COL26A1: variants seen among roughly 807,000 people sequenced by gnomAD.
COL26A1 encodes collagen alpha-1(XXVI) chain.
Under a neutral mutation model 59.3 loss-of-function variants are expected in COL26A1, and 41 were observed. That is an observed-to-expected ratio of 0.69 (90% CI 0.54 to 0.90). COL26A1 has a LOEUF of 0.90. COL26A1 is among the 40% of genes least tolerant of loss of function. The pLI, the probability that COL26A1 is intolerant of heterozygous loss-of-function variation, is 0.00. For synonymous variants in COL26A1, 266 were observed against 256.0 expected (o/e 1.04, Z -0.37); for missense variants, 612 against 602.3 (o/e 1.02, Z -0.17).
chr7:101,545,749 C>G (rs1795722941), intron 7 of COL26A1, among the ~76,000 whole-genome samples: 1 of 152,166 alleles, frequency 6.6e-6, no homozygotes, highest in African/African-American at 2.4e-5. Context: ...CCAGGGCTAG[C>G]CCCAAGCCCT....
chr7:101,487,319 T>C (rs1459097204), intron 3 of COL26A1, among the ~76,000 whole-genome samples: 1 of 151,986 alleles, frequency 6.6e-6, no homozygotes, highest in Non-Finnish European at 1.5e-5. Flanking sequence ...TACCCTTTGC[T>C]CATGGCATGG....
At chr7:101,478,371 T>C (rs1440677848) in intron 3 of COL26A1, among the ~76,000 whole-genome samples, 1 of 152,164 alleles carries the variant, frequency 6.6e-6, no homozygotes, top group Non-Finnish European at 1.5e-5. Flanking sequence ...CTGCTATCTG[T>C]GCCCAAAACA....
chr7:101,475,900 C>CTT (rs1466219521), intron 3 of COL26A1, among the ~76,000 whole-genome samples: 4 of 136,984 alleles, frequency 2.9e-5, no homozygotes, highest in African/African-American at 1.2e-4. Flanking sequence ...TTCTTTCTCT[C>CTT]TCTTTCTCTC....
At chr7:101,362,753 C>T (rs1790919330), upstream of COL26A1, 6 of 481,246 alleles carry the variant, frequency 1.2e-5, no homozygotes, top group Non-Finnish European at 2.2e-5. Flanking sequence ...CCTAGCTCTG[C>T]CGCCACTGCC....
At chr7:101,365,537 C>T (rs1791023804) in intron 1 of COL26A1, among the ~76,000 whole-genome samples, 1 of 152,216 alleles carries the variant, frequency 6.6e-6, no homozygotes, top group African/African-American at 2.4e-5. Flanking sequence ...AGTGATTCTC[C>T]TGCCTCAGCC....
chr7:101,452,889 C>G (rs1202873749), intron 3 of COL26A1, among the ~76,000 whole-genome samples: 1 of 151,984 alleles, frequency 6.6e-6, no homozygotes, highest in Admixed American at 6.6e-5. Context: ...CTTAGCCTCC[C>G]AAGTACCTGG....
At chr7:101,502,000 G>C (rs181932655) in intron 3 of COL26A1, among the ~76,000 whole-genome samples, 409 of 152,236 alleles carry the variant, frequency 2.7e-3, no homozygotes, top group Middle Eastern at 0.01. Context: ...TCCAGGAAGC[G>C]TTCCCTGGTC....
intron 3 of COL26A1, among the ~76,000 whole-genome samples, chr7:101,525,702 T>C (rs370612396): frequency 2.6e-5 from 4 of 152,092 alleles, no homozygotes; most frequent in East Asian, 1.9e-4. Flanking sequence ...TTCACTGTGT[T>C]AGCCAGGATG....
chr7:101,421,402 C>T lies in COL26A1; in HGVS notation c.281+1303C>T, dbSNP rs190907761. ...GATTTAAATTAATCTTGGCTGGGTG[C>T]GGTGGCTCATGCTTGTAATCCCAGC... On this transcript the variant is annotated intron_variant, in intron 2 of 12. Transcript: ENST00000313669. Among the ~76,000 whole-genome samples, 206 of 152,228 alleles carry T rather than the reference C, an allele frequency of 1.4e-3. 2 individuals carry two copies. Among genetic ancestry groups the T allele is most frequent in the African/African-American group, 4.9e-3 (202 of 41,538 alleles).
At chr7:101,514,827 TC>T (rs1794996376) in intron 3 of COL26A1, among the ~76,000 whole-genome samples, 1 of 152,214 alleles carries the variant, frequency 6.6e-6, no homozygotes, top group Non-Finnish European at 1.5e-5. Flanking sequence ...CAGCTACCCA[TC>T]CGCCACCACC....
Position 101,557,640 on chromosome 7 carries a change from A to G in COL26A1, c.*110A>G. The stretch of plus-strand genomic sequence containing the variant: ...CAGGGGAACTGGGCTCCAGGCATGG[A>G]TGATTGTGAGGACATGGGGGGCTTT... On this transcript the variant is annotated 3_prime_UTR_variant, in exon 13 of 13. Transcript: ENST00000313669. 1 of 1,156,292 alleles carries G rather than the reference A, an allele frequency of 8.6e-7. No homozygotes were observed. Among genetic ancestry groups the G allele is most frequent in the South Asian group, 1.6e-5 (1 of 61,988 alleles). The allele number at this position is 1,156,292 out of a possible 1,614,324, so 71.6% of individuals were successfully genotyped here. A position where few individuals can be genotyped will look rare whatever the true frequency, so the allele number is the denominator to read the frequency against.
Position 101,493,813 on chromosome 7 carries a change from G to T in COL26A1, c.386-39269G>T, listed in dbSNP as rs957409491. On this transcript the variant is annotated intron_variant, in intron 3 of 12. Coordinates refer to ENST00000313669, the MANE Select transcript of COL26A1 (RefSeq NM_001278563.3). ...CCGGGCGTGGTGGCGGGCGTCTGTA[G>T]TCCCAGCTACTTGGGAGGCTGAGGC... Among the ~76,000 whole-genome samples, 25 of 147,112 alleles carry T rather than the reference G, an allele frequency of 1.7e-4. 1 individual carries two copies. Among genetic ancestry groups the T allele is most frequent in the African/African-American group, 6.1e-4 (24 of 39,648 alleles).
chr7:101,510,369 G>A (rs185725909), intron 3 of COL26A1, among the ~76,000 whole-genome samples: 1 of 151,624 alleles, frequency 6.6e-6, no homozygotes, highest in Admixed American at 6.6e-5. Context: ...TCATGAAATC[G>A]CCCTCCCTGA....
At chr7:101,554,567 T>TAAAAAAAAAAA (rs57638079) in intron 11 of COL26A1, among the ~76,000 whole-genome samples, 5 of 120,506 alleles carry the variant, frequency 4.1e-5, no homozygotes, top group African/African-American at 1.3e-4. Context: ...CCCCATTTCT[T>TAAAAAAAAAAA]AAAAAAAAAA....
intron 1 of COL26A1, among the ~76,000 whole-genome samples, chr7:101,413,880 T>A (rs1792306008): frequency 6.6e-6 from 1 of 152,172 alleles, no homozygotes; most frequent in African/African-American, 2.4e-5. Flanking sequence ...CTAAGCACCT[T>A]TCTGGGTGCA....
At chr7:101,539,278 C>CTGTGTGTGTGTGTGTATGTGTGTG (rs1795551908) in intron 4 of COL26A1, among the ~76,000 whole-genome samples, 2 of 142,326 alleles carry the variant, frequency 1.4e-5, no homozygotes, top group African/African-American at 5.6e-5. Context: ...CCTTTTCTGT[C>CTGTGTGTGTGTGTGTATGTGTGTG]TGTGTGTGTG....
intron 1 of COL26A1, among the ~76,000 whole-genome samples, chr7:101,386,267 T>TTG (rs1554403852): frequency 1.0e-4 from 14 of 138,372 alleles, no homozygotes; most frequent in Non-Finnish European, 1.7e-4. Context: ...GTTTTTTTTT[T>TTG]TTTTTTTTTT....
Position 101,363,187 on chromosome 7 carries a change from G to A in COL26A1, c.155G>A (p.Arg52His). Residue 52 changes from arginine (R) to histidine (H), a missense_variant, in exon 1 of 13, where the codon CGC becomes CAC. Coordinates refer to ENST00000313669, the MANE Select transcript of COL26A1 (RefSeq NM_001278563.3). ...TCCCCTGGCAGCGGCTACGCGAGCC[G>A]CCGGTGAGTAGCTCGGGGCCGAGGG... ...AGSPGSGYASRRHWCHHTVTR... is the reference protein window; with the variant it reads ...AGSPGSGYASHRHWCHHTVTR... 1 of 1,410,182 alleles carries A rather than the reference G, an allele frequency of 7.1e-7. No homozygotes were observed. The highest frequency in any genetic ancestry group is 1.3e-5 in the South Asian group (1 of 78,434). The allele number at this position is 1,410,182 out of a possible 1,614,324, so 87.4% of individuals were successfully genotyped here. A position where few individuals can be genotyped will look rare whatever the true frequency, so the allele number is the denominator to read the frequency against.
intron 11 of COL26A1, among the ~76,000 whole-genome samples, chr7:101,555,095 G>A (rs1371960864): frequency 4.6e-5 from 7 of 152,174 alleles, no homozygotes; most frequent in Admixed American, 4.6e-4. Context: ...CAGTGGCTTT[G>A]TCTCCTCATC....
Sources: allele counts gnomAD v4.1 joint callset (sites outside exome capture counted in the v4.1 genomes callset), GRCh38; gene constraint gnomAD v4.1.1; transcripts MANE v1.5; gene names NCBI Gene and HGNC (gene_info 2026-07-23, HGNC 2026-07-21).